The following PPP6R3 variants were observed in gnomAD, a reference collection of about 807,000 sequenced individuals.
The protein encoded by PPP6R3 is serine/threonine-protein phosphatase 6 regulatory subunit 3.
A neutral mutation model predicts 110.7 loss-of-function variants in PPP6R3; 38 were observed. The ratio of observed to expected loss-of-function variants is 0.34; its 90% CI spans 0.26 to 0.45. The LOEUF (loss-of-function observed/expected upper bound fraction) is 0.45. Among genes scored for constraint, PPP6R3 ranks in the 20% least tolerant of loss-of-function variants. PPP6R3 has a pLI of 1.00. For missense variants in PPP6R3, 870 were observed against 1,062.4 expected (o/e 0.82, Z 2.52); for synonymous variants, 369 against 373.5 (o/e 0.99, Z 0.14).
chr11:68,587,747 C>T (rs747459774), intron 15 of PPP6R3, 180 bp from the exon 16 acceptor site: 54 of 681,386 alleles, frequency 7.9e-5, no homozygotes, highest in Non-Finnish European at 1.0e-4. Context: ...AAATTTCAAA[C>T]GTTTCCTTTT....
At chr11:68,602,398 T>A (rs2099634616) in intron 21 of PPP6R3, among the ~76,000 whole-genome samples, 1 of 152,222 alleles carries the variant, frequency 6.6e-6, no homozygotes, top group Non-Finnish European at 1.5e-5. Context: ...TGAATAGTCC[T>A]GGGAATCTCT....
At chr11:68,477,741 A>AAAAAAAAAATATATATATATAT in intron 1 of PPP6R3, among the ~76,000 whole-genome samples, 3 of 57,894 alleles carry the variant, frequency 5.2e-5, no homozygotes, top group African/African-American at 7.1e-5. Flanking sequence ...AAAAAAAAAA[A>AAAAAAAAAATATATATATATAT]ATATATATAT....
chr11:68,559,641 A>C (rs899808518), intron 8 of PPP6R3, among the ~76,000 whole-genome samples: 1 of 152,176 alleles, frequency 6.6e-6, no homozygotes, highest in Non-Finnish European at 1.5e-5. Flanking sequence ...TCTTTGGTCA[A>C]TACTAATGGA....
chr11:68,526,281 G>C (rs565934418), intron 2 of PPP6R3, among the ~76,000 whole-genome samples: 138 of 151,846 alleles, frequency 9.1e-4, no homozygotes, highest in African/African-American at 3.0e-3. Flanking sequence ...TTTGAGACAG[G>C]GTCTTACTCT....
At chr11:68,574,678 T>A (rs2099523476) in intron 13 of PPP6R3, among the ~76,000 whole-genome samples, 2 of 152,226 alleles carry the variant, frequency 1.3e-5, no homozygotes, top group African/African-American at 4.8e-5. Flanking sequence ...GATGTCGCTG[T>A]CACTAAAATG....
chr11:68,575,941 C>T lies in PPP6R3; in HGVS notation c.1460-17C>T, dbSNP rs1394299020. The T allele has an allele frequency of 6.3e-6, 10 of 1,580,928 alleles. No homozygotes were observed. The highest frequency in any genetic ancestry group is 3.5e-5 in the Admixed American group (2 of 57,276). On this transcript the variant is annotated splice_polypyrimidine_tract_variant and intron_variant, in intron 13 of 23. Transcript: ENST00000393800. Reference sequence around the variant, plus strand: ...TCATTGTGGTGATAATGCTTTTTTGCTTTTCTCACTCTGAAGATCTTCCCG... The same window carrying T: ...TCATTGTGGTGATAATGCTTTTTTGTTTTTCTCACTCTGAAGATCTTCCCG...
chr11:68,522,260 T>C (rs1216920690), intron 2 of PPP6R3, among the ~76,000 whole-genome samples: 1 of 152,262 alleles, frequency 6.6e-6, no homozygotes, highest in Non-Finnish European at 1.5e-5. Flanking sequence ...TATGTAACTG[T>C]AGTTTCAGCT....
chr11:68,603,439 G>C lies in PPP6R3; in HGVS notation c.2397G>C (p.Lys799Asn). 1 of 1,614,140 alleles carries C rather than the reference G, an allele frequency of 6.2e-7. No homozygotes were observed. Among genetic ancestry groups the C allele is most frequent in the Non-Finnish European group, 8.5e-7 (1 of 1,180,024 alleles). The change falls in exon 22 of 24, where the codon AAG becomes AAC. Residue 799 changes from lysine (K) to asparagine (N), a missense_variant. Coordinates refer to ENST00000393800, the MANE Select transcript of PPP6R3 (RefSeq NM_001164161.2). ...AGACAGTGATGAATGGCGGCATGAA[G>C]GAAACGCTCAGCCTCACTGTAGATG... ...VTETVMNGGM[K>N]ETLSLTVDAK...
chr11:68,571,178 G>A (rs2099504084), intron 12 of PPP6R3, 74 bp downstream of exon 12: 1 of 1,497,256 alleles, frequency 6.7e-7, no homozygotes, highest in Non-Finnish European at 8.9e-7. Flanking sequence ...CCTTGCCCTA[G>A]TCAGAAAAAA....
At chr11:68,545,977 A>G (rs1204577502) in intron 4 of PPP6R3, among the ~76,000 whole-genome samples, 1 of 152,230 alleles carries the variant, frequency 6.6e-6, no homozygotes, top group Non-Finnish European at 1.5e-5. Context: ...ATCCTTCATG[A>G]TAGAAAATGG....
intron 22 of PPP6R3, among the ~76,000 whole-genome samples, chr11:68,608,034 TAAA>T (rs55705439): frequency 1.5e-5 from 2 of 134,946 alleles, no homozygotes; most frequent in African/African-American, 2.7e-5. Context: ...AGGACTTCTT[TAAA>T]AAAAAAAAAA....
At chr11:68,542,248 T>G in intron 3 of PPP6R3, among the ~76,000 whole-genome samples, 1 of 151,240 alleles carries the variant, frequency 6.6e-6, no homozygotes, top group African/African-American at 2.4e-5. Context: ...CAGCTGTAGG[T>G]GGGGATGTGA....
chr11:68,467,372 C>T (rs1348761811), intron 1 of PPP6R3, among the ~76,000 whole-genome samples: 2 of 152,066 alleles, frequency 1.3e-5, no homozygotes, highest in Non-Finnish European at 2.9e-5. Context: ...AATCTGATGG[C>T]CCAAGAAAAG....
chr11:68,602,816 A>T (rs1319172280), intron 21 of PPP6R3, among the ~76,000 whole-genome samples: 2 of 152,146 alleles, frequency 1.3e-5, no homozygotes, highest in Non-Finnish European at 2.9e-5. Flanking sequence ...CAAGTAGTCT[A>T]CAGCTAGGAA....
At chr11:68,486,603 T>TAAAAA (rs61408861) in intron 1 of PPP6R3, among the ~76,000 whole-genome samples, 13 of 111,672 alleles carry the variant, frequency 1.2e-4, no homozygotes, top group Admixed American at 8.9e-4. Flanking sequence ...GACTCTGTCT[T>TAAAAA]AAAAAAAAAA....
At chr11:68,609,538 C>G in intron 22 of PPP6R3, 1 of 1,499,078 alleles carries the variant, frequency 6.7e-7, no homozygotes, top group Non-Finnish European at 9.1e-7. Flanking sequence ...ATTATTCCCC[C>G]AAATTCCTCA....
intron 2 of PPP6R3, among the ~76,000 whole-genome samples, chr11:68,532,488 G>T (rs1305699330): frequency 6.6e-6 from 1 of 152,220 alleles, no homozygotes; most frequent in Non-Finnish European, 1.5e-5. Context: ...AAAGATTAGA[G>T]GGTAGTTTGG....
intron 2 of PPP6R3, among the ~76,000 whole-genome samples, chr11:68,523,765 A>G (rs1012955750): frequency 8.4e-6 from 1 of 119,732 alleles, no homozygotes; most frequent in Admixed American, 1.1e-4. Flanking sequence ...AGATTATAAT[A>G]TGTTATTCTA....
chr11:68,545,402 A>T (rs898380903), intron 4 of PPP6R3, among the ~76,000 whole-genome samples: 3 of 152,248 alleles, frequency 2.0e-5, no homozygotes, highest in African/African-American at 7.2e-5. Context: ...ATTGATGATC[A>T]GAGATGAAGC....
Sources: allele counts gnomAD v4.1 joint callset (sites outside exome capture counted in the v4.1 genomes callset), GRCh38; gene constraint gnomAD v4.1.1; transcripts MANE v1.5; gene names NCBI Gene and HGNC (gene_info 2026-07-23, HGNC 2026-07-21).